Variants in GABRB1 observed in about 807,000 individuals in gnomAD.
GABRB1 encodes the protein gamma-aminobutyric acid type A receptor subunit beta1, also known as gamma-aminobutyric acid receptor subunit beta-1.
GABRB1 carries 17 observed loss-of-function variants against 51.6 expected under a neutral mutation model. The ratio of observed to expected loss-of-function variants is 0.33; its 90% CI spans 0.23 to 0.49. GABRB1 has a LOEUF of 0.49. Among genes scored for constraint, GABRB1 ranks in the 20% least tolerant of loss-of-function variants. The probability of loss-of-function intolerance (pLI) is 0.99; values close to 1 mark genes in which losing one functional copy is unlikely to be tolerated. For missense variants in GABRB1, 410 were observed against 600.6 expected, an observed-to-expected ratio of 0.68 and a Z score of 3.32; for synonymous variants, 247 against 218.9, an observed-to-expected ratio of 1.13 and a Z score of -1.14.
intron 1 of GABRB1, among the ~76,000 whole-genome samples, chr4:46,996,958 G>C (rs1196452267): frequency 6.6e-6 from 1 of 152,124 alleles, no homozygotes; most frequent in South Asian, 2.1e-4. Flanking sequence ...AAGGCTTGTA[G>C]ATATAGGCCC....
At chr4:47,263,149 T>A (rs919537395) in intron 4 of GABRB1, among the ~76,000 whole-genome samples, 4 of 151,672 alleles carry the variant, frequency 2.6e-5, no homozygotes, top group African/African-American at 9.7e-5. Context: ...CATATGTAAC[T>A]AACCTGCACA....
At chr4:47,322,708 CA>C (rs1044458722) in intron 5 of GABRB1, among the ~76,000 whole-genome samples, 38 of 152,250 alleles carry the variant, frequency 2.5e-4, no homozygotes, top group African/African-American at 8.4e-4. Flanking sequence ...CGGCGGCTCA[CA>C]CCTGTAATTC....
At chr4:47,390,112 G>T (rs1221673154) in intron 5 of GABRB1, among the ~76,000 whole-genome samples, 1 of 152,192 alleles carries the variant, frequency 6.6e-6, no homozygotes, top group African/African-American at 2.4e-5. Context: ...AAAGTTCTAG[G>T]TTTCTTTGGG....
intron 3 of GABRB1, among the ~76,000 whole-genome samples, chr4:47,137,148 G>A (rs1314973799): frequency 1.3e-5 from 2 of 152,054 alleles, no homozygotes. Context: ...TCCCTAACTG[G>A]CCTCTAGGAA....
At chr4:47,405,120 A>G (rs1334283309) in intron 7 of GABRB1, among the ~76,000 whole-genome samples, 2 of 152,234 alleles carry the variant, frequency 1.3e-5, no homozygotes, top group Non-Finnish European at 2.9e-5. Flanking sequence ...TGTGAAGCAC[A>G]TTAGCTAGAA....
intron 3 of GABRB1, among the ~76,000 whole-genome samples, chr4:47,092,609 CTT>C (rs58016946): frequency 2.8e-5 from 4 of 144,462 alleles, no homozygotes; most frequent in Admixed American, 6.9e-5. Flanking sequence ...CAGTTTCTTT[CTT>C]TTTTTTTTTT....
At chr4:47,079,397 C>A (rs537562758) in intron 3 of GABRB1, among the ~76,000 whole-genome samples, 3 of 152,222 alleles carry the variant, frequency 2.0e-5, no homozygotes, top group African/African-American at 4.8e-5. Flanking sequence ...AGTTTATTTG[C>A]ATAGAGGTGT....
At chr4:47,180,219 T>G (rs922950323) in intron 4 of GABRB1, among the ~76,000 whole-genome samples, 33 of 152,116 alleles carry the variant, frequency 2.2e-4, no homozygotes, top group African/African-American at 7.9e-4. Context: ...CCCATTCACA[T>G]AGTGGAAGAG....
intron 1 of GABRB1, among the ~76,000 whole-genome samples, chr4:47,010,331 C>T (rs1276516224): frequency 6.6e-6 from 1 of 152,176 alleles, no homozygotes; most frequent in Non-Finnish European, 1.5e-5. Context: ...ACTATTAGAG[C>T]AGTAATAACT....
At chr4:47,244,912 C>T (rs1315785850) in intron 4 of GABRB1, among the ~76,000 whole-genome samples, 1 of 152,050 alleles carries the variant, frequency 6.6e-6, no homozygotes, top group Non-Finnish European at 1.5e-5. Flanking sequence ...AAAATTGACA[C>T]CCTAACATTA....
intron 3 of GABRB1, among the ~76,000 whole-genome samples, chr4:47,083,774 A>G (rs1411672069): frequency 6.6e-6 from 1 of 152,070 alleles, no homozygotes; most frequent in African/African-American, 2.4e-5. Context: ...TGTTACCCCT[A>G]TTTACATTTA....
chr4:47,083,497 T>G (rs1727937875), intron 3 of GABRB1, among the ~76,000 whole-genome samples: 1 of 152,170 alleles, frequency 6.6e-6, no homozygotes, highest in African/African-American at 2.4e-5. Context: ...CTTCCAATTT[T>G]TTCATTGCTT....
chr4:47,222,245 C>G (rs1720794444), intron 4 of GABRB1, among the ~76,000 whole-genome samples: 1 of 152,010 alleles, frequency 6.6e-6, no homozygotes, highest in Non-Finnish European at 1.5e-5. Flanking sequence ...TTTGGGGTTA[C>G]AAATAGACTT....
intron 5 of GABRB1, among the ~76,000 whole-genome samples, chr4:47,398,579 C>G (rs543969221): frequency 6.6e-5 from 10 of 151,468 alleles, no homozygotes; most frequent in South Asian, 6.3e-4. Flanking sequence ...GAGAGAGAGA[C>G]AGAGAGAGAG....
intron 3 of GABRB1, among the ~76,000 whole-genome samples, chr4:47,136,807 C>A (rs2109684143): frequency 6.6e-6 from 1 of 152,142 alleles, no homozygotes; most frequent in Non-Finnish European, 1.5e-5. Flanking sequence ...AACTAAAACA[C>A]TACATTTATT....
At chr4:47,100,306 A>C (rs1480394027) in intron 3 of GABRB1, among the ~76,000 whole-genome samples, 1 of 152,044 alleles carries the variant, frequency 6.6e-6, no homozygotes, top group Non-Finnish European at 1.5e-5. Context: ...CGACTGACAG[A>C]TTTCAAAACT....
intron 4 of GABRB1, among the ~76,000 whole-genome samples, chr4:47,200,187 A>G (rs1046469554): frequency 2.0e-5 from 3 of 152,224 alleles, no homozygotes; most frequent in African/African-American, 7.2e-5. Context: ...TTGGTCCTGC[A>G]GGGGTCAAAA....
intron 5 of GABRB1, among the ~76,000 whole-genome samples, chr4:47,325,026 T>C (rs1038885602): frequency 6.6e-6 from 1 of 152,220 alleles, no homozygotes; most frequent in Admixed American, 6.5e-5. Flanking sequence ...CCTGGACCAT[T>C]GTAGCTGCCT....
At chr4:47,103,822 G>C (rs559552789) in intron 3 of GABRB1, among the ~76,000 whole-genome samples, 231 of 151,948 alleles carry the variant, frequency 1.5e-3, no homozygotes, top group African/African-American at 5.1e-3. Context: ...ATTCTGATTA[G>C]TGGTCATCCT....
Sources: gnomAD v4.1 joint callset for allele counts (sites outside exome capture counted in the v4.1 genomes callset) on GRCh38, gnomAD v4.1.1 for gene constraint, MANE v1.5 for transcripts, NCBI Gene and HGNC (gene_info 2026-07-23, HGNC 2026-07-21) for gene names.